The following FZD3 variants were observed in gnomAD, a reference collection of about 807,000 sequenced individuals.
FZD3 encodes frizzled class receptor 3.
In FZD3, 30 loss-of-function variants were observed where a neutral mutation model predicts 60.7. That is an observed-to-expected ratio of 0.49 (90% CI 0.37 to 0.67). FZD3 has a LOEUF of 0.67. Among genes scored for constraint, FZD3 ranks in the 30% least tolerant of loss-of-function variants. FZD3 has a pLI of 0.00. For synonymous variants in FZD3, 246 were observed against 275.2 expected (o/e 0.89, Z 1.05); for missense variants, 605 against 838.7 (o/e 0.72, Z 3.44).
At chr8:28,544,627 C>T (rs953587407) in intron 5 of FZD3, among the ~76,000 whole-genome samples, 2 of 152,052 alleles carry the variant, frequency 1.3e-5, no homozygotes, top group Admixed American at 1.3e-4. Context: ...TTTGATTATG[C>T]ACGTATAGTC....
At chr8:28,542,194 C>A (rs182965357) in intron 5 of FZD3, among the ~76,000 whole-genome samples, 1 of 150,470 alleles carries the variant, frequency 6.6e-6, no homozygotes, top group African/African-American at 2.4e-5. Context: ...TCCATCCATG[C>A]TCACTTTTAG....
chr8:28,496,392 A>G (rs2130248545), intron 1 of FZD3, among the ~76,000 whole-genome samples: 1 of 152,098 alleles, frequency 6.6e-6, no homozygotes. Context: ...AATTCTTACC[A>G]CTTCTTTGAG....
At chr8:28,512,251 C>T (rs1013862499) in intron 3 of FZD3, among the ~76,000 whole-genome samples, 2 of 152,108 alleles carry the variant, frequency 1.3e-5, no homozygotes, top group Non-Finnish European at 2.9e-5. Context: ...CTAGGCCTTT[C>T]ATGTTTCTTC....
chr8:28,562,750 T>G (rs1327374350), intron 7 of FZD3, 48 bp from the exon 8 acceptor site: 2 of 1,084,444 alleles, frequency 1.8e-6, no homozygotes, highest in African/African-American at 3.1e-5. Context: ...TGTTATTATA[T>G]TTTCTAGTGT....
chr8:28,524,900 A>G (rs73669814), intron 4 of FZD3, among the ~76,000 whole-genome samples: 1,734 of 152,242 alleles, frequency 0.011, 30 homozygotes, highest in African/African-American at 0.039. Context: ...TTCTTGGCTC[A>G]CTGTTTTATT....
intron 1 of FZD3, among the ~76,000 whole-genome samples, chr8:28,494,725 T>C (rs7841079): frequency 0.24 from 36,832 of 151,854 alleles, 4,748 homozygotes; most frequent in East Asian, 0.35. Flanking sequence ...CGCGGTTCGC[T>C]CGCCTCTACC....
intron 1 of FZD3, among the ~76,000 whole-genome samples, chr8:28,497,556 T>G (rs1803876022): frequency 6.6e-6 from 1 of 152,268 alleles, no homozygotes; most frequent in Non-Finnish European, 1.5e-5. Context: ...CTGTTCGCTC[T>G]GTAGGCACTG....
At chr8:28,553,328 T>G (rs1276010090) in intron 6 of FZD3, among the ~76,000 whole-genome samples, 1 of 152,212 alleles carries the variant, frequency 6.6e-6, no homozygotes, top group Non-Finnish European at 1.5e-5. Context: ...ACCAATGATT[T>G]GATAGCAAAC....
At chr8:28,530,160 G>A (rs1804831284) in intron 5 of FZD3, among the ~76,000 whole-genome samples, 1 of 148,154 alleles carries the variant, frequency 6.7e-6, no homozygotes, top group African/African-American at 2.5e-5. Context: ...GATTAATAGT[G>A]TTTTCTGAGA....
chr8:28,548,458 G>T (rs914079847), intron 5 of FZD3, among the ~76,000 whole-genome samples: 2 of 152,094 alleles, frequency 1.3e-5, no homozygotes, highest in Non-Finnish European at 2.9e-5. Context: ...GAGCCACTGC[G>T]CCTGGCCTGA....
At chr8:28,498,310 C>T (rs1803899565) in intron 1 of FZD3, among the ~76,000 whole-genome samples, 1 of 150,250 alleles carries the variant, frequency 6.7e-6, no homozygotes, top group East Asian at 2.0e-4. Context: ...TGATATACTA[C>T]AGTTTCTTAT....
intron 7 of FZD3, among the ~76,000 whole-genome samples, chr8:28,557,171 T>G (rs779927203): frequency 7.0e-6 from 1 of 143,580 alleles, no homozygotes; most frequent in African/African-American, 2.6e-5. Context: ...ATCGTGCCAC[T>G]GCACTCCAGC....
rs1167476329 is a variant in FZD3, at chr8:28,527,093, C to T, written c.387-54C>T. On this transcript the variant is annotated intron_variant, in intron 4 of 7. Coordinates refer to ENST00000240093, the MANE Select transcript of FZD3 (RefSeq NM_017412.4). This position sits in a 1 kb window ranked among gnomAD's most constrained non-coding sequence, Gnocchi z 5.0. ...GATTTGGAAATCCAAACTGTTAGAT[C>T]GTGATAGATTTCCCCATAAGTAAAA... 15 of 1,445,130 alleles carry T rather than the reference C, an allele frequency of 1.0e-5. 1 individual carries two copies. Among genetic ancestry groups the T allele is most frequent in the Middle Eastern group, 4.1e-4 (2 of 4,870 alleles). 89.5% of individuals were successfully genotyped at this position (1,445,130 alleles called of 1,614,324 possible).
At chr8:28,538,585 T>G (rs766695869) in intron 5 of FZD3, among the ~76,000 whole-genome samples, 9 of 152,128 alleles carry the variant, frequency 5.9e-5, no homozygotes, top group Non-Finnish European at 1.0e-4. Context: ...CCTCTTCATA[T>G]GCAAAAAACA....
rs1049363571 is a variant in FZD3, at chr8:28,569,397, G to T, written c.*6386G>T. 1 of 151,424 alleles carries T rather than the reference G, an allele frequency of 6.6e-6. No individual in the cohort carries two copies. The highest frequency in any genetic ancestry group is 1.5e-5 in the Non-Finnish European group (1 of 67,866). 9.4% of individuals were successfully genotyped at this position (151,424 alleles called of 1,614,324 possible). On this transcript the variant is annotated 3_prime_UTR_variant, in exon 8 of 8. Coordinates refer to ENST00000240093, the MANE Select transcript of FZD3 (RefSeq NM_017412.4). Reference sequence around the variant, plus strand: ...AGTTAGCTGTGTAACTTTGGATAAGGCATTTTATCTCGTGGTGCCTCCATT... The same window carrying T: ...AGTTAGCTGTGTAACTTTGGATAAGTCATTTTATCTCGTGGTGCCTCCATT...
intron 1 of FZD3, among the ~76,000 whole-genome samples, chr8:28,496,671 A>G (rs528831405): frequency 2.6e-5 from 4 of 152,334 alleles, no homozygotes; most frequent in East Asian, 3.9e-4. Flanking sequence ...CTTACTGGCT[A>G]GGAAAGAGTT....
At chr8:28,500,591 G>T (rs1803963258) in intron 2 of FZD3, among the ~76,000 whole-genome samples, 1 of 152,152 alleles carries the variant, frequency 6.6e-6, no homozygotes, top group East Asian at 1.9e-4. Context: ...GCAAGCAGAT[G>T]AATATGCTGC....
intron 5 of FZD3, among the ~76,000 whole-genome samples, chr8:28,537,263 T>C (rs1805040381): frequency 6.6e-6 from 1 of 152,208 alleles, no homozygotes; most frequent in Non-Finnish European, 1.5e-5. Flanking sequence ...TACTGTCAAA[T>C]GACACTTTTG....
chr8:28,550,899 A>G (rs1435208588), intron 5 of FZD3, among the ~76,000 whole-genome samples: 1 of 152,146 alleles, frequency 6.6e-6, no homozygotes, highest in Non-Finnish European at 1.5e-5. Context: ...TTTGTTCTAT[A>G]GAAGTTTTAA....
Sources: gnomAD v4.1 joint callset for allele counts (sites outside exome capture counted in the v4.1 genomes callset) on GRCh38, gnomAD v4.1.1 for gene constraint, Gnocchi (gnomAD v3.1) non-coding constraint, MANE v1.5 for transcripts, NCBI Gene and HGNC (gene_info 2026-07-23, HGNC 2026-07-21) for gene names.